The following AKAP13 variants were observed in gnomAD, a reference collection of about 807,000 sequenced individuals.
AKAP13 encodes A-kinase anchor protein 13.
Under a neutral mutation model 264.5 loss-of-function variants are expected in AKAP13, and 80 were observed. The ratio of observed to expected loss-of-function variants is 0.30; its 90% confidence interval spans 0.25 to 0.36. The LOEUF (loss-of-function observed/expected upper bound fraction) is 0.36. Ranked by LOEUF, AKAP13 falls within the 10% of genes least tolerant of loss-of-function variation. The pLI is 1.00. For synonymous variants in AKAP13, 1,380 were observed against 1,250.2 expected, an observed-to-expected ratio of 1.10 and a Z score of -2.19; for missense variants, 3,712 against 3,435.2, an observed-to-expected ratio of 1.08 and a Z score of -2.01.
At position 85,690,983 on chromosome 15, in the gene AKAP13, C is replaced by T. The variant is rs531035425; in HGVS notation, c.5290-2294C>T. The stretch of plus-strand genomic sequence containing the variant: ...AAATTGCTTACTACAGTGCTTAGCA[C>T]GTAGTAACTGTTCAGATTTTTAGCT... On this transcript the variant is annotated intron_variant, in intron 16 of 36. Transcript: ENST00000394518. Among the ~76,000 whole-genome samples, 11 of 152,242 alleles carry T rather than the reference C, an allele frequency of 7.2e-5. No individual in the cohort carries two copies. In the East Asian group the frequency reaches 1.7e-3, roughly 24 times the overall value.
chr15:85,638,852 G>A (rs1364986905), intron 8 of AKAP13, among the ~76,000 whole-genome samples: 1 of 152,010 alleles, frequency 6.6e-6, no homozygotes, highest in African/African-American at 2.4e-5. Flanking sequence ...TGCCTCCCGG[G>A]TTTAAGCAAT....
chr15:85,697,255 G>A (rs2085615979), intron 17 of AKAP13, among the ~76,000 whole-genome samples: 1 of 152,172 alleles, frequency 6.6e-6, no homozygotes, highest in African/African-American at 2.4e-5. Context: ...ATTAGGGGAT[G>A]TACAAGCAAG....
chr15:85,589,908 T>A (rs2079519594), intron 8 of AKAP13, among the ~76,000 whole-genome samples: 1 of 152,006 alleles, frequency 6.6e-6, no homozygotes, highest in South Asian at 2.1e-4. Context: ...AGGTTGGGAG[T>A]GGGATCAAGT....
intron 1 of AKAP13, among the ~76,000 whole-genome samples, chr15:85,482,304 T>A (rs1200341888): frequency 6.6e-6 from 1 of 152,238 alleles, no homozygotes; most frequent in Non-Finnish European, 1.5e-5. Context: ...CCTCATTTGC[T>A]ATTCCTTCTT....
At chr15:85,606,978 G>T (rs1261708638) in intron 8 of AKAP13, among the ~76,000 whole-genome samples, 5 of 152,028 alleles carry the variant, frequency 3.3e-5, no homozygotes, top group Admixed American at 1.3e-4. Context: ...TCCAAATTAG[G>T]CACTTGGGGA....
At chr15:85,517,723 A>G (rs2076659005) in intron 2 of AKAP13, among the ~76,000 whole-genome samples, 1 of 152,140 alleles carries the variant, frequency 6.6e-6, no homozygotes, top group Non-Finnish European at 1.5e-5. Context: ...TTTAGAACAC[A>G]GTTTATTTAT....
At chr15:85,519,107 T>C (rs542126019) in intron 2 of AKAP13, among the ~76,000 whole-genome samples, 30 of 152,204 alleles carry the variant, frequency 2.0e-4, no homozygotes, top group Middle Eastern at 3.4e-3. Flanking sequence ...TTTTTTTTTT[T>C]CCTGTAAAAG....
chr15:85,397,614 A>T (rs1299987113), intron 1 of AKAP13, among the ~76,000 whole-genome samples: 2 of 152,202 alleles, frequency 1.3e-5, no homozygotes, highest in Non-Finnish European at 2.9e-5. Flanking sequence ...TATTCATCTA[A>T]GTGTCTTATA....
At chr15:85,562,111 T>C (rs1011649668) in intron 5 of AKAP13, among the ~76,000 whole-genome samples, 5 of 152,180 alleles carry the variant, frequency 3.3e-5, no homozygotes, top group Admixed American at 1.3e-4. Flanking sequence ...CTTCACAGAA[T>C]GATTACGAGA....
Position 85,743,486 on chromosome 15 carries a change from G to A in AKAP13, c.8059-6G>A, listed in dbSNP as rs199702867. On this transcript the variant is annotated splice_region_variant and splice_polypyrimidine_tract_variant and intron_variant, in intron 35 of 36. Transcript: ENST00000394518. ...AAGTGAAAACCCTTCTCTTGAATAT[G>A]TACAGGTTTCCCATCCACATACCAA... 1.4e-4 allele frequency: 226 copies of A among 1,612,294 alleles called. No individual in the cohort carries two copies. The highest frequency in any genetic ancestry group is 1.8e-4 in the Non-Finnish European group (217 of 1,178,830).
chr15:85,415,805 A>G (rs2072216527), intron 1 of AKAP13, among the ~76,000 whole-genome samples: 2 of 151,556 alleles, frequency 1.3e-5, no homozygotes, highest in South Asian at 4.2e-4. Flanking sequence ...ATTAATTAGG[A>G]TCATCCCTTT....
chr15:85,567,188 A>G (rs893744773), intron 5 of AKAP13, among the ~76,000 whole-genome samples: 1 of 150,336 alleles, frequency 6.7e-6, no homozygotes, highest in African/African-American at 2.5e-5. Flanking sequence ...GCTCACTGCA[A>G]CCTCCACCTC....
At chr15:85,450,761 G>A (rs2074057854) in intron 1 of AKAP13, among the ~76,000 whole-genome samples, 2 of 152,100 alleles carry the variant, frequency 1.3e-5, no homozygotes, top group South Asian at 2.1e-4. Context: ...TGTGAGGATT[G>A]TTTTATGTCC....
At chr15:85,592,353 C>T (rs550644113) in intron 8 of AKAP13, among the ~76,000 whole-genome samples, 13 of 152,242 alleles carry the variant, frequency 8.5e-5, no homozygotes, top group Admixed American at 6.5e-4. Flanking sequence ...GCTCAGCTGC[C>T]GTGGGAAAAT....
At chr15:85,734,905 C>T (rs1403529102) in intron 30 of AKAP13, 87 bp from the exon 31 acceptor site, 14 of 1,497,356 alleles carry the variant, frequency 9.3e-6, no homozygotes, top group Non-Finnish European at 1.3e-5. Context: ...TCAAGTCGTG[C>T]TCTTTGTACG....
At chr15:85,594,970 C>T (rs1193970031) in intron 8 of AKAP13, among the ~76,000 whole-genome samples, 1 of 152,222 alleles carries the variant, frequency 6.6e-6, no homozygotes, top group Non-Finnish European at 1.5e-5. Context: ...TGTTTCTAGT[C>T]TCCTAGGCTG....
chr15:85,506,910 G>A (rs544382074), intron 2 of AKAP13, among the ~76,000 whole-genome samples: 143 of 152,228 alleles, frequency 9.4e-4, no homozygotes, highest in African/African-American at 3.2e-3. Flanking sequence ...TGAATACACC[G>A]TGTTTGTTCA....
At chr15:85,382,255 G>C (rs2070318935) in intron 1 of AKAP13, 1 of 152,200 alleles carries the variant, frequency 6.6e-6, no homozygotes. Flanking sequence ...GAAATACTGT[G>C]TGTGTCAGTT....
intron 1 of AKAP13, among the ~76,000 whole-genome samples, chr15:85,477,102 C>G (rs557139323): frequency 6.6e-6 from 1 of 152,002 alleles, no homozygotes; most frequent in Non-Finnish European, 1.5e-5. Flanking sequence ...GAGTGCCATG[C>G]CCTAGAACTC....
Sources: gnomAD v4.1 joint callset for allele counts (sites outside exome capture counted in the v4.1 genomes callset) on GRCh38, gnomAD v4.1.1 for gene constraint, MANE v1.5 for transcripts, NCBI Gene and HGNC (gene_info 2026-07-23, HGNC 2026-07-21) for gene names.